KCNK12: variants seen among roughly 807,000 people sequenced by gnomAD.
KCNK12 encodes the protein potassium channel subfamily K member 12.
In KCNK12, 6 loss-of-function variants were observed where a neutral mutation model predicts 25.3. The observed-to-expected ratio is 0.24, with a 90% confidence interval of 0.13 to 0.47. The LOEUF (loss-of-function observed/expected upper bound fraction) is 0.47. Among genes scored for constraint, KCNK12 ranks in the 20% least tolerant of loss-of-function variants. KCNK12 has a pLI of 0.99. For synonymous variants in KCNK12, 331 were observed against 311.1 expected (o/e 1.06, Z -0.67); for missense variants, 444 against 661.7 (o/e 0.67, Z 3.61).
rs957074889 is a variant in KCNK12 at position 47,570,008 on chromosome 2, G to A, written c.324C>T (p.Asp108=). Residue 108 remains aspartate, a synonymous_variant, in exon 1 of 2, where the codon GAC becomes GAT. Coordinates refer to ENST00000327876, the MANE Select transcript of KCNK12 (RefSeq NM_022055.2). ...EAALAAGVRA[D]ALRPRWDFPG... ...GGAAGTCCCAGCGCGGGCGCAGCGC[G>A]TCGGCGCGGACGCCGGCGGCCAGCG... 4.2e-6 allele frequency: 6 copies of A among 1,432,034 alleles called. No individual in the cohort carries two copies. The highest frequency in any genetic ancestry group is 3.0e-5 in the Admixed American group (1 of 32,882). 88.7% of individuals were successfully genotyped at this position (1,432,034 alleles called of 1,614,324 possible). A position where few individuals can be genotyped will look rare whatever the true frequency, so the allele number is the denominator to read the frequency against.
At chr2:47,544,390 T>C (rs1402357847) in intron 1 of KCNK12, among the ~76,000 whole-genome samples, 2 of 152,252 alleles carry the variant, frequency 1.3e-5, no homozygotes, top group Admixed American at 1.3e-4. Context: ...CTCTGAATCA[T>C]AAAGAATGTT....
chr2:47,556,067 G>A lies in KCNK12; in HGVS notation c.391+13874C>T, dbSNP rs944897131. 6.6e-6 allele frequency: 1 copy of A among 152,288 alleles called. No homozygotes were observed. Among genetic ancestry groups the A allele is most frequent in the Non-Finnish European group, 1.5e-5 (1 of 68,080 alleles). The allele number at this position is 152,288 out of a possible 1,614,324, so 9.4% of individuals were successfully genotyped here. ...GTGGATCCAGGGGAGAAGGGCAGGT[G>A]AGGGAGAGGTTGACTACTCTTCTCA... On this transcript the variant is annotated intron_variant, in intron 1 of 1. Transcript: ENST00000327876. The surrounding 1 kb of genome is among the most constrained non-coding windows in gnomAD (Gnocchi z 4.8).
In KCNK12 at chr2:47,533,527, C is replaced by A. The variant is rs1180928161; in HGVS notation, c.392-11719G>T. On this transcript the variant is annotated intron_variant, in intron 1 of 1. Coordinates refer to ENST00000327876, the MANE Select transcript of KCNK12 (RefSeq NM_022055.2). The surrounding 1 kb of genome is among the most constrained non-coding windows in gnomAD (Gnocchi z 4.7). ...CGACATGACATATGGATTTCCATGG[C>A]AGGGAAATGCCCCCGTAGGCACAGT... Among the ~76,000 whole-genome samples the A allele has an allele frequency of 6.6e-6, 1 of 152,186 alleles. No individual in the cohort carries two copies. Among genetic ancestry groups the A allele is most frequent in the South Asian group, 2.1e-4 (1 of 4,832 alleles).
Position 47,570,181 on chromosome 2 carries a change from C to T in KCNK12, c.151G>A (p.Val51Met). Residue 51 changes from valine (V) to methionine (M), a missense_variant, in exon 1 of 2, where the codon GTG (valine) becomes ATG (methionine). Coordinates refer to ENST00000327876, the MANE Select transcript of KCNK12 (RefSeq NM_022055.2). ...GCCGAGAAGACTGTGGCACCCGCCA[C>T]CAGGTAGAGGCCGATGAGCGCCGCC... Reference protein sequence around the residue: ...LLAALIGLYLVAGATVFSALE... With the variant: ...LLAALIGLYLMAGATVFSALE... The T allele has an allele frequency of 6.7e-7, 1 of 1,491,458 alleles. No individual in the cohort carries two copies. The highest frequency in any genetic ancestry group is 8.9e-7 in the Non-Finnish European group (1 of 1,124,558). The allele number at this position is 1,491,458 out of a possible 1,614,324, so 92.4% of individuals were successfully genotyped here.
At chr2:47,550,049 A>G (rs1004330861) in intron 1 of KCNK12, among the ~76,000 whole-genome samples, 2 of 152,204 alleles carry the variant, frequency 1.3e-5, no homozygotes, top group Admixed American at 6.5e-5. Context: ...CAATAGAACT[A>G]TTCAAAATAA....
chr2:47,512,401 G>A lies in KCNK12; in HGVS notation c.*8506C>T. On this transcript the variant is annotated 3_prime_UTR_variant, in exon 2 of 2. Coordinates refer to ENST00000327876, the MANE Select transcript of KCNK12 (RefSeq NM_022055.2). ...AGAGATCTGCTTGCAGTCGGCCAGA[G>A]AGACAGAACCAGGGCAGTGGTGAGC... 1 of 1,611,332 alleles carries A rather than the reference G, an allele frequency of 6.2e-7. No individual in the cohort carries two copies. The highest frequency in any genetic ancestry group is 8.5e-7 in the Non-Finnish European group (1 of 1,179,236).
intron 1 of KCNK12, among the ~76,000 whole-genome samples, chr2:47,558,869 A>G (rs144204817): frequency 1.1e-3 from 162 of 152,300 alleles, no homozygotes; most frequent in African/African-American, 3.8e-3. Flanking sequence ...ATTGCATTTC[A>G]TTACTGATTA....
rs1167364824 is a variant in KCNK12 at position 47,519,000 on chromosome 2, G to T, written c.*1907C>A. ...GTGACCGCAACCATGGGTTGGATGG[G>T]GGGCACTCACTGGGCTGGCCTGACA... On this transcript the variant is annotated 3_prime_UTR_variant, in exon 2 of 2. Coordinates refer to ENST00000327876, the MANE Select transcript of KCNK12 (RefSeq NM_022055.2). This position sits in a 1 kb window ranked among gnomAD's most constrained non-coding sequence, Gnocchi z 4.1. The T allele has an allele frequency of 7.9e-5, 12 of 152,360 alleles. No individual in the cohort carries two copies. In the South Asian group the frequency reaches 1.9e-3, roughly 24 times the overall value. The allele number at this position is 152,360 out of a possible 1,614,324, so 9.4% of individuals were successfully genotyped here.
chr2:47,544,647 C>A (rs1042967532), intron 1 of KCNK12, among the ~76,000 whole-genome samples: 1 of 152,230 alleles, frequency 6.6e-6, no homozygotes, highest in African/African-American at 2.4e-5. Flanking sequence ...GGCCCCCTGG[C>A]AGCTTACATA....
In KCNK12 at chr2:47,533,208, A is replaced by G. The variant is rs1034766178; in HGVS notation, c.392-11400T>C. Among the ~76,000 whole-genome samples the G allele has an allele frequency of 8.1e-6, 1 of 124,000 alleles. No individual in the cohort carries two copies. Among genetic ancestry groups the G allele is most frequent in the Non-Finnish European group, 1.6e-5 (1 of 60,656 alleles). 81.3% of individuals were successfully genotyped at this position (124,000 alleles called of 152,430 possible). The stretch of plus-strand genomic sequence containing the variant: ...GTATTTTTAGTAGAGACGGGGTTTT[A>G]CCATGTTGGCCAGGCTGGTCTCCAA... On this transcript the variant is annotated intron_variant, in intron 1 of 1. Transcript: ENST00000327876. The surrounding 1 kb of genome is among the most constrained non-coding windows in gnomAD (Gnocchi z 4.7).
chr2:47,535,297 C>G (rs1669042084), intron 1 of KCNK12: 2 of 233,188 alleles, frequency 8.6e-6, no homozygotes, highest in Non-Finnish European at 8.5e-6. Context: ...CTGCACCTGC[C>G]CTATGGGCTG....
At position 47,513,694 on chromosome 2, in the gene KCNK12, C is replaced by T. The variant is rs568481708; in HGVS notation, c.*7213G>A. Among the ~76,000 whole-genome samples, 3 of 152,278 alleles carry T rather than the reference C, an allele frequency of 2.0e-5. No homozygotes were observed. Among genetic ancestry groups the T allele is most frequent in the Admixed American group, 1.3e-4 (2 of 15,310 alleles). ...ACTTCTCCTTCATTGAACTCATCAC[C>T]TCTTCTGTTCCTCCTCCTGGGTTCC... On this transcript the variant is annotated 3_prime_UTR_variant, in exon 2 of 2. Coordinates refer to ENST00000327876, the MANE Select transcript of KCNK12 (RefSeq NM_022055.2).
intron 1 of KCNK12, among the ~76,000 whole-genome samples, chr2:47,531,474 A>T (rs1347343813): frequency 6.6e-6 from 1 of 151,658 alleles, no homozygotes; most frequent in African/African-American, 2.4e-5. Context: ...CCCTGTTTAA[A>T]AAAAAAAAAA....
Position 47,512,222 on chromosome 2 carries a change from G to A in KCNK12, c.*8685C>T, listed in dbSNP as rs549859667. On this transcript the variant is annotated 3_prime_UTR_variant, in exon 2 of 2. Coordinates refer to ENST00000327876, the MANE Select transcript of KCNK12 (RefSeq NM_022055.2). ...CTGTCTAAGCTGGGTCAGGTACTCT[G>A]CAGATGTTTGCTGAGTATCGTTCTT... The A allele has an allele frequency of 1.5e-4, 225 of 1,537,084 alleles. 2 individuals are homozygous for A. The South Asian group carries it at 1.5e-3, about 10-fold the overall frequency.
In KCNK12 at chr2:47,510,794, TA is replaced by T. The variant is rs1344093601; in HGVS notation, c.*10112del. On this transcript the variant is annotated 3_prime_UTR_variant, in exon 2 of 2. Coordinates refer to ENST00000327876, the MANE Select transcript of KCNK12 (RefSeq NM_022055.2). The stretch of plus-strand genomic sequence containing the variant: ...ATTAATATTAACTGGCTGCCCAGAA[TA>T]AATGAAGAATAGCTTATTCTTTGCC... The T allele has an allele frequency of 3.3e-5, 5 of 152,178 alleles. No individual in the cohort carries two copies. The highest frequency in any genetic ancestry group is 2.1e-4 in the South Asian group (1 of 4,824). The allele number at this position is 152,178 out of a possible 1,614,324, so 9.4% of individuals were successfully genotyped here.
rs974469344 is a variant in KCNK12 at position 47,517,348 on chromosome 2, A to C, written c.*3559T>G. The C allele has an allele frequency of 6.6e-6, 1 of 152,104 alleles. No homozygotes were observed. Among genetic ancestry groups the C allele is most frequent in the Admixed American group, 6.5e-5 (1 of 15,270 alleles). 9.4% of individuals were successfully genotyped at this position (152,104 alleles called of 1,614,324 possible). On this transcript the variant is annotated 3_prime_UTR_variant, in exon 2 of 2. Transcript: ENST00000327876. This position sits in a 1 kb window ranked among gnomAD's most constrained non-coding sequence, Gnocchi z 4.1. ...TCTGAAGGACGGAGGATCCTGGGTC[A>C]ATTTAGCAGCTATTTTCCAGGGTTT...
chr2:47,545,647 C>G (rs1258894673), intron 1 of KCNK12, among the ~76,000 whole-genome samples: 1 of 152,234 alleles, frequency 6.6e-6, no homozygotes, highest in Admixed American at 6.5e-5. Flanking sequence ...TCTGAGAAAG[C>G]CATTGAGCCT....
intron 1 of KCNK12, among the ~76,000 whole-genome samples, chr2:47,534,656 A>G (rs570087896): frequency 6.6e-6 from 1 of 151,906 alleles, no homozygotes; most frequent in Admixed American, 6.5e-5. Context: ...AGGAGCAATG[A>G]GATGAAGAAA....
Position 47,528,469 on chromosome 2 carries a change from C to T in KCNK12, c.392-6661G>A, listed in dbSNP as rs1313154472. 6.6e-6 allele frequency: 1 copy of T among 152,230 alleles called. No homozygotes were observed. The highest frequency in any genetic ancestry group is 1.5e-5 in the Non-Finnish European group (1 of 68,054). 9.4% of individuals were successfully genotyped at this position (152,230 alleles called of 1,614,324 possible). ...CTTGTGCCACTGCCTAGCCAGTTGCCTCCCAGAGTAGAGAAGCAGTCTCCC... is the reference window on the plus strand; with the variant it reads ...CTTGTGCCACTGCCTAGCCAGTTGCTTCCCAGAGTAGAGAAGCAGTCTCCC... On this transcript the variant is annotated intron_variant, in intron 1 of 1. Coordinates refer to ENST00000327876, the MANE Select transcript of KCNK12 (RefSeq NM_022055.2). The surrounding 1 kb of genome is among the most constrained non-coding windows in gnomAD (Gnocchi z 4.5).
Sources: allele counts gnomAD v4.1 joint callset (sites outside exome capture counted in the v4.1 genomes callset), GRCh38; gene constraint gnomAD v4.1.1; non-coding constraint Gnocchi (gnomAD v3.1); transcripts MANE v1.5; gene names NCBI Gene and HGNC (gene_info 2026-07-23, HGNC 2026-07-21).